Variants in CNTNAP2 observed in about 807,000 individuals in gnomAD.
The protein encoded by CNTNAP2 is contactin-associated protein-like 2.
A neutral mutation model predicts 155.2 loss-of-function variants in CNTNAP2; 98 were observed. The ratio of observed to expected loss-of-function variants is 0.63; its 90% CI spans 0.54 to 0.75. The LOEUF (loss-of-function observed/expected upper bound fraction) is 0.75. CNTNAP2 is among the 30% of genes least tolerant of loss of function. The probability of loss-of-function intolerance (pLI) is 0.00; values close to 1 mark genes in which losing one functional copy is unlikely to be tolerated. For synonymous variants in CNTNAP2, 651 were observed against 631.2 expected (o/e 1.03, Z -0.47); for missense variants, 1,727 against 1,688.1 (o/e 1.02, Z -0.40).
chr7:147,141,911 A>T (rs1019651789), intron 8 of CNTNAP2, among the ~76,000 whole-genome samples: 2 of 152,152 alleles, frequency 1.3e-5, no homozygotes, highest in Admixed American at 1.3e-4. Flanking sequence ...ATAGTTTCCC[A>T]TTACTAAAGA....
intron 4 of CNTNAP2, among the ~76,000 whole-genome samples, chr7:147,100,036 TTA>T (rs1800623085): frequency 1.3e-5 from 2 of 152,220 alleles, no homozygotes; most frequent in African/African-American, 2.4e-5. Flanking sequence ...ATAACCCTGC[TTA>T]GAAATAGATC....
intron 8 of CNTNAP2, among the ~76,000 whole-genome samples, chr7:147,298,845 C>A (rs1794888167): frequency 6.6e-6 from 1 of 152,172 alleles, no homozygotes; most frequent in Non-Finnish European, 1.5e-5. Context: ...TTCTTTCCAA[C>A]CATTTAGAAA....
At chr7:146,492,066 T>C (rs535515731) in intron 1 of CNTNAP2, among the ~76,000 whole-genome samples, 65 of 152,258 alleles carry the variant, frequency 4.3e-4, no homozygotes, top group Middle Eastern at 3.4e-3. Flanking sequence ...AGAAACGCAA[T>C]GTCTCTAGAA....
intron 1 of CNTNAP2, among the ~76,000 whole-genome samples, chr7:146,348,271 AC>A (rs957895576): frequency 1.5e-4 from 23 of 151,826 alleles, no homozygotes; most frequent in Middle Eastern, 3.4e-3. Flanking sequence ...ATATAAAAAA[AC>A]AAATTAGCTG....
intron 3 of CNTNAP2, among the ~76,000 whole-genome samples, chr7:146,874,152 T>G (rs1336074791): frequency 1.3e-5 from 2 of 152,040 alleles, no homozygotes; most frequent in African/African-American, 4.8e-5. Flanking sequence ...CGTTAAAATC[T>G]GATGCCAGGA....
chr7:148,216,407 T>C (rs1795638624), intron 18 of CNTNAP2, among the ~76,000 whole-genome samples: 1 of 152,202 alleles, frequency 6.6e-6, no homozygotes, highest in African/African-American at 2.4e-5. Flanking sequence ...CAGAGCCAAA[T>C]TTGAACCCAG....
intron 1 of CNTNAP2, among the ~76,000 whole-genome samples, chr7:146,655,709 T>C (rs1277565758): frequency 6.6e-6 from 1 of 152,062 alleles, no homozygotes; most frequent in African/African-American, 2.4e-5. Context: ...TTCTGACAAA[T>C]AGTATTGGAA....
intron 12 of CNTNAP2, among the ~76,000 whole-genome samples, chr7:147,574,178 G>A (rs541930229): frequency 3.8e-4 from 58 of 152,060 alleles, no homozygotes; most frequent in African/African-American, 1.3e-3. Flanking sequence ...TTCTAATGGC[G>A]TTCTATTACT....
At chr7:146,854,364 G>T (rs1472374658) in intron 3 of CNTNAP2, among the ~76,000 whole-genome samples, 1 of 152,212 alleles carries the variant, frequency 6.6e-6, no homozygotes, top group African/African-American at 2.4e-5. Context: ...GTATGTTTAT[G>T]TGTGCTTTTT....
At chr7:146,893,357 T>C (rs557416640) in intron 3 of CNTNAP2, among the ~76,000 whole-genome samples, 1 of 151,800 alleles carries the variant, frequency 6.6e-6, no homozygotes, top group Non-Finnish European at 1.5e-5. Context: ...TAAATAGATA[T>C]TTTAAGATAA....
chr7:147,006,372 T>C (rs761526758), intron 3 of CNTNAP2, among the ~76,000 whole-genome samples: 12 of 152,076 alleles, frequency 7.9e-5, no homozygotes, highest in Non-Finnish European at 1.8e-4. Context: ...AGATATCTTT[T>C]ACAAATAGAA....
chr7:146,301,905 G>A (rs1257982431), intron 1 of CNTNAP2, among the ~76,000 whole-genome samples: 1 of 152,064 alleles, frequency 6.6e-6, no homozygotes, highest in Non-Finnish European at 1.5e-5. Context: ...AATGATTATG[G>A]CTAAGTTGTA....
chr7:147,147,916 G>C (rs1306032221), intron 8 of CNTNAP2, among the ~76,000 whole-genome samples: 1 of 152,036 alleles, frequency 6.6e-6, no homozygotes, highest in Non-Finnish European at 1.5e-5. Flanking sequence ...TCTCATCTCT[G>C]TGATTTTATT....
At chr7:148,407,741 A>G (rs1799736486) in intron 22 of CNTNAP2, among the ~76,000 whole-genome samples, 1 of 148,134 alleles carries the variant, frequency 6.8e-6, no homozygotes, top group African/African-American at 2.5e-5. Flanking sequence ...GAGCCAGTTA[A>G]AACAAGCAAA....
chr7:146,452,731 A>G (rs1185343241), intron 1 of CNTNAP2, among the ~76,000 whole-genome samples: 1 of 152,208 alleles, frequency 6.6e-6, no homozygotes, highest in Non-Finnish European at 1.5e-5. Context: ...ATGTTTTATT[A>G]ATTTATATTT....
intron 3 of CNTNAP2, among the ~76,000 whole-genome samples, chr7:146,975,458 CT>C (rs1797891858): frequency 1.4e-5 from 2 of 139,918 alleles, no homozygotes; most frequent in South Asian, 4.9e-4. Flanking sequence ...GAGTGAGACT[CT>C]GTCTAAGAAA....
chr7:148,268,112 A>C (rs377046568), intron 21 of CNTNAP2, among the ~76,000 whole-genome samples: 4 of 152,298 alleles, frequency 2.6e-5, no homozygotes, highest in African/African-American at 9.6e-5. Context: ...AAATTTTTAA[A>C]ATATCGATAT....
rs146568654 is a variant in CNTNAP2 at position 147,025,200 on chromosome 7, C to T, written c.403-18707C>T. Among the ~76,000 whole-genome samples, 9 of 145,976 alleles carry T rather than the reference C, an allele frequency of 6.2e-5. No homozygotes were observed. In the East Asian group the frequency reaches 1.0e-3, roughly 16 times the overall value. On this transcript the variant is annotated intron_variant, in intron 3 of 23. Transcript: ENST00000361727. ...ACTCCAGAGGCTGAGACAAGAGAAT[C>T]GCTTGAACCCGGGAAGCGGATGTTT...
In CNTNAP2 at chr7:147,459,132, T is replaced by C. The variant is rs139867167; in HGVS notation, c.1671-26803T>C. ...TAGCCACACATGATTGTTGAACACT[T>C]AAAATATGGCTAATGCAACTAACTA... is the stretch of plus-strand genomic sequence containing the variant. On this transcript the variant is annotated intron_variant, in intron 10 of 23. Coordinates refer to ENST00000361727, the MANE Select transcript of CNTNAP2 (RefSeq NM_014141.6). 3.7e-4 allele frequency among the ~76,000 whole-genome samples: 56 copies of C among 152,356 alleles called. 1 individual carries two copies. In the East Asian group the frequency reaches 9.6e-3, roughly 26 times the overall value.
Sources: allele counts gnomAD v4.1 joint callset (sites outside exome capture counted in the v4.1 genomes callset), GRCh38; gene constraint gnomAD v4.1.1; transcripts MANE v1.5; gene names NCBI Gene and HGNC (gene_info 2026-07-23, HGNC 2026-07-21).